Variants in PTPRT observed in about 807,000 individuals in gnomAD.
PTPRT encodes protein tyrosine phosphatase receptor type T.
A neutral mutation model predicts 176.8 loss-of-function variants in PTPRT; 56 were observed. That is an observed-to-expected ratio of 0.32 (90% CI 0.26 to 0.40). PTPRT has a LOEUF of 0.40. Ranked by LOEUF, PTPRT falls within the 10% of genes least tolerant of loss-of-function variation. The pLI, the probability that PTPRT is intolerant of heterozygous loss-of-function variation, is 1.00. For missense variants in PTPRT, 1,540 were observed against 1,908.2 expected (o/e 0.81, Z 3.60); for synonymous variants, 783 against 739.0 (o/e 1.06, Z -0.96).
intron 23 of PTPRT, among the ~76,000 whole-genome samples, chr20:42,107,712 C>T (rs1986595680): frequency 6.6e-6 from 1 of 152,172 alleles, no homozygotes; most frequent in South Asian, 2.1e-4. Flanking sequence ...AAGGAGGCCC[C>T]CTTCCGCTGC....
rs41278140 is a variant in PTPRT at position 42,076,438 on chromosome 20, C to T, written c.*4441G>A. 1,979 of 204,266 alleles carry T rather than the reference C, an allele frequency of 9.7e-3. 10 individuals are homozygous for T. The highest frequency in any genetic ancestry group is 0.016 in the Non-Finnish European group (1,575 of 99,640). 12.7% of individuals were successfully genotyped at this position (204,266 alleles called of 1,614,324 possible). A position where few individuals can be genotyped will look rare whatever the true frequency, so the allele number is the denominator to read the frequency against. On this transcript the variant is annotated 3_prime_UTR_variant, in exon 31 of 31. Coordinates refer to ENST00000373187, the MANE Select transcript of PTPRT (RefSeq NM_007050.6). ...GGTTTTGTGGGCTCATCCTTCTCCA[C>T]GCCAGATGAGCAAATCCTCATCATT...
At chr20:42,660,887 T>C (rs764717578) in intron 7 of PTPRT, among the ~76,000 whole-genome samples, 13 of 152,210 alleles carry the variant, frequency 8.5e-5, no homozygotes, top group Non-Finnish European at 1.8e-4. Flanking sequence ...AGTCTCACTT[T>C]GTCGTCCAGG....
intron 3 of PTPRT, among the ~76,000 whole-genome samples, chr20:42,783,801 T>G (rs1600733368): frequency 6.6e-6 from 1 of 150,720 alleles, no homozygotes; most frequent in African/African-American, 2.4e-5. Context: ...GCCAGGGGAG[T>G]GAGTAGAGAA....
At chr20:42,454,112 TTGAG>T (rs1201781064) in intron 8 of PTPRT, among the ~76,000 whole-genome samples, 1 of 152,154 alleles carries the variant, frequency 6.6e-6, no homozygotes, top group East Asian at 1.9e-4. Flanking sequence ...TCTATGTGGA[TTGAG>T]TGTTTTCTAT....
intron 7 of PTPRT, among the ~76,000 whole-genome samples, chr20:42,676,095 G>C (rs1302653066): frequency 6.6e-6 from 1 of 152,058 alleles, no homozygotes; most frequent in Non-Finnish European, 1.5e-5. Flanking sequence ...TGGTGGTATC[G>C]TGTTGGCACT....
chr20:42,326,416 A>T (rs75541466), intron 11 of PTPRT, among the ~76,000 whole-genome samples: 2,265 of 152,342 alleles, frequency 0.015, 53 homozygotes, highest in African/African-American at 0.052. Context: ...TGCAGATAAC[A>T]TGACTAGACC....
chr20:42,419,958 G>T (rs367754567), intron 9 of PTPRT, among the ~76,000 whole-genome samples: 45 of 152,194 alleles, frequency 3.0e-4, no homozygotes, highest in African/African-American at 8.4e-4. Context: ...GCCAAGGATT[G>T]CTCATAACAG....
intron 1 of PTPRT, among the ~76,000 whole-genome samples, chr20:43,147,145 A>G (rs1432156237): frequency 6.6e-6 from 1 of 152,042 alleles, no homozygotes; most frequent in Non-Finnish European, 1.5e-5. Context: ...AACCTACTCG[A>G]GGGGCATCAG....
chr20:42,450,405 G>C (rs973696423), intron 8 of PTPRT, among the ~76,000 whole-genome samples: 2 of 152,166 alleles, frequency 1.3e-5, no homozygotes, highest in Non-Finnish European at 2.9e-5. Context: ...AAAATTAAGT[G>C]CATGTGTATG....
chr20:42,523,124 T>A (rs2072206483), intron 7 of PTPRT, among the ~76,000 whole-genome samples: 1 of 152,202 alleles, frequency 6.6e-6, no homozygotes, highest in African/African-American at 2.4e-5. Flanking sequence ...TATCCTCTAC[T>A]GAAAATTGCA....
intron 7 of PTPRT, among the ~76,000 whole-genome samples, chr20:42,569,210 A>G (rs2073109437): frequency 6.7e-6 from 1 of 149,594 alleles, no homozygotes; most frequent in Admixed American, 6.7e-5. Context: ...CTATGATTCC[A>G]ATTTCAAAGA....
intron 1 of PTPRT, among the ~76,000 whole-genome samples, chr20:42,941,024 G>A (rs549590156): frequency 6.6e-6 from 1 of 151,950 alleles, no homozygotes; most frequent in African/African-American, 2.4e-5. Context: ...GGGGGTTGCA[G>A]TGAGCCGAGA....
intron 1 of PTPRT, among the ~76,000 whole-genome samples, chr20:43,017,281 T>C (rs963290925): frequency 1.3e-5 from 2 of 152,168 alleles, no homozygotes; most frequent in Admixed American, 1.3e-4. Flanking sequence ...TTACATTCTG[T>C]GTAAAGGGGC....
intron 1 of PTPRT, among the ~76,000 whole-genome samples, chr20:43,055,814 G>C (rs548355838): frequency 1.1e-4 from 17 of 152,238 alleles, no homozygotes; most frequent in African/African-American, 1.7e-4. Flanking sequence ...GTTGTACTGT[G>C]TGATCCCCAA....
chr20:42,228,384 C>A (rs893979805), intron 15 of PTPRT, among the ~76,000 whole-genome samples: 1 of 152,200 alleles, frequency 6.6e-6, no homozygotes, highest in Admixed American at 6.5e-5. Flanking sequence ...CGTTTAGACG[C>A]CAGTTCAATA....
chr20:42,070,495 G>C (rs1370920775), downstream of PTPRT, among the ~76,000 whole-genome samples: 3 of 151,880 alleles, frequency 2.0e-5, no homozygotes, highest in Non-Finnish European at 4.4e-5. Flanking sequence ...TTGATCCTTA[G>C]CATCACTGTG....
chr20:42,649,550 G>A (rs753062605), intron 7 of PTPRT, among the ~76,000 whole-genome samples: 13 of 152,138 alleles, frequency 8.5e-5, no homozygotes, highest in Non-Finnish European at 1.6e-4. Context: ...CCAAGTTCAT[G>A]GAGGCACACA....
intron 2 of PTPRT, among the ~76,000 whole-genome samples, chr20:42,830,311 G>A (rs2078062992): frequency 6.6e-6 from 1 of 152,160 alleles, no homozygotes; most frequent in East Asian, 1.9e-4. Context: ...ATCAATAAAC[G>A]TGATTCATCA....
At chr20:42,223,647 A>T (rs1568685832) in intron 15 of PTPRT, among the ~76,000 whole-genome samples, 2 of 152,232 alleles carry the variant, frequency 1.3e-5, no homozygotes, top group African/African-American at 4.8e-5. Context: ...AAAACCTTAG[A>T]TCCCACAATT....
Sources: gnomAD v4.1 joint callset for allele counts (sites outside exome capture counted in the v4.1 genomes callset) on GRCh38, gnomAD v4.1.1 for gene constraint, MANE v1.5 for transcripts, NCBI Gene and HGNC (gene_info 2026-07-23, HGNC 2026-07-21) for gene names.